ZNF385D: variants seen among roughly 807,000 people sequenced by gnomAD.
The protein encoded by ZNF385D is zinc finger protein 385D.
Under a neutral mutation model 35.8 loss-of-function variants are expected in ZNF385D, and 15 were observed. The ratio of observed to expected loss-of-function variants is 0.42; its 90% CI spans 0.28 to 0.64. ZNF385D has a LOEUF of 0.64. Ranked by LOEUF, ZNF385D falls within the 30% of genes least tolerant of loss-of-function variation. ZNF385D has a pLI of 0.23. For synonymous variants in ZNF385D, 212 were observed against 186.8 expected (o/e 1.13, Z -1.10); for missense variants, 474 against 494.6 (o/e 0.96, Z 0.39).
At chr3:21,818,495 TATC>T (rs1052394562) in intron 3 of ZNF385D, among the ~76,000 whole-genome samples, 2 of 152,202 alleles carry the variant, frequency 1.3e-5, no homozygotes, top group African/African-American at 2.4e-5. Flanking sequence ...ATTTGGGTGT[TATC>T]ATAATAGTGT....
At chr3:21,500,194 G>C (rs1219602992) in intron 4 of ZNF385D, among the ~76,000 whole-genome samples, 2 of 152,088 alleles carry the variant, frequency 1.3e-5, no homozygotes, top group Non-Finnish European at 2.9e-5. Context: ...ATGTAATAAA[G>C]TTCAATTAGT....
intron 2 of ZNF385D, among the ~76,000 whole-genome samples, chr3:22,291,532 AC>A (rs1385416008): frequency 1.3e-5 from 2 of 151,992 alleles, no homozygotes; most frequent in African/African-American, 4.8e-5. Flanking sequence ...ATCTTACTGA[AC>A]TTTATTTCTA....
chr3:22,355,826 C>T (rs1368704272), intron 2 of ZNF385D, among the ~76,000 whole-genome samples: 1 of 151,872 alleles, frequency 6.6e-6, no homozygotes, highest in East Asian at 1.9e-4. Flanking sequence ...CAGTATACAA[C>T]CATATCACAA....
At chr3:21,882,964 T>C (rs988665967) in intron 3 of ZNF385D, among the ~76,000 whole-genome samples, 13 of 152,112 alleles carry the variant, frequency 8.5e-5, no homozygotes, top group East Asian at 3.9e-4. Flanking sequence ...CTCTGGAGAA[T>C]AGTATATAAT....
chr3:21,538,941 T>C (rs760044065), intron 3 of ZNF385D, among the ~76,000 whole-genome samples: 22 of 152,076 alleles, frequency 1.4e-4, no homozygotes, highest in Non-Finnish European at 8.8e-5. Flanking sequence ...GCTCATACAC[T>C]GTGGCTAAAG....
rs571786569 is a variant in ZNF385D at position 22,360,044 on chromosome 3, C to T, written c.106+12406G>A. On this transcript the variant is annotated intron_variant, in intron 2 of 5. Coordinates refer to the ZNF385D transcript ENST00000494108. ...AAGAAACAGCTTTGGCTGGGATTAC[C>T]GTGATTATTAAAGCTGTAGGCACTT... Among the ~76,000 whole-genome samples, 11 of 151,896 alleles carry T rather than the reference C, an allele frequency of 7.2e-5. No individual in the cohort carries two copies. In the South Asian group the frequency reaches 1.0e-3, roughly 14 times the overall value.
intron 2 of ZNF385D, among the ~76,000 whole-genome samples, chr3:22,354,002 C>T (rs998873020): frequency 3.3e-5 from 5 of 151,964 alleles, no homozygotes; most frequent in Admixed American, 6.6e-5. Flanking sequence ...CATATGCACC[C>T]TCCATTCCCT....
intron 3 of ZNF385D, among the ~76,000 whole-genome samples, chr3:21,528,208 AT>A (rs1305500450): frequency 6.6e-6 from 1 of 152,114 alleles, no homozygotes; most frequent in South Asian, 2.1e-4. Flanking sequence ...AAATAGAAGT[AT>A]TTTTCTGACA....
chr3:21,794,589 C>T (rs2072069002), intron 3 of ZNF385D, among the ~76,000 whole-genome samples: 1 of 152,080 alleles, frequency 6.6e-6, no homozygotes, highest in Non-Finnish European at 1.5e-5. Context: ...TAGACAATGC[C>T]TTCTTGTGGT....
At chr3:21,787,941 C>CAAAAAAAAAA (rs2071762948) in intron 3 of ZNF385D, among the ~76,000 whole-genome samples, 1 of 29,726 alleles carries the variant, frequency 3.4e-5, no homozygotes, top group Non-Finnish European at 5.9e-5. Flanking sequence ...GACTTCGTCT[C>CAAAAAAAAAA]AACAAAAAAA....
chr3:22,112,007 TCAGA>T (rs1360886512), intron 3 of ZNF385D, among the ~76,000 whole-genome samples: 1 of 152,114 alleles, frequency 6.6e-6, no homozygotes, highest in Non-Finnish European at 1.5e-5. Flanking sequence ...CATAAATTAA[TCAGA>T]CATTTTACCC....
intron 3 of ZNF385D, among the ~76,000 whole-genome samples, chr3:22,032,100 G>T (rs1428008320): frequency 1.3e-5 from 2 of 152,160 alleles, no homozygotes; most frequent in East Asian, 1.9e-4. Context: ...CACCCCAGCT[G>T]GGACTTCATT....
intron 4 of ZNF385D, among the ~76,000 whole-genome samples, chr3:21,466,123 A>G (rs163470): frequency 0.79 from 120,839 of 152,102 alleles, 48,534 homozygotes; most frequent in East Asian, 0.99. Context: ...ATGTCTTCAC[A>G]TCTTCCATTA....
chr3:21,630,125 T>G (rs895370945), intron 2 of ZNF385D, among the ~76,000 whole-genome samples: 5 of 152,034 alleles, frequency 3.3e-5, no homozygotes, highest in Non-Finnish European at 7.4e-5. Flanking sequence ...CCTCAAAATT[T>G]ATTTATATAT....
chr3:22,035,890 C>G (rs1272563922), intron 3 of ZNF385D, among the ~76,000 whole-genome samples: 3 of 151,436 alleles, frequency 2.0e-5, no homozygotes, highest in African/African-American at 7.3e-5. Flanking sequence ...TTGCCAGTGG[C>G]TTGCTGATAA....
intron 3 of ZNF385D, among the ~76,000 whole-genome samples, chr3:22,126,330 T>A (rs1372283543): frequency 1.2e-5 from 1 of 86,532 alleles, no homozygotes; most frequent in South Asian, 4.3e-4. Flanking sequence ...TTTTTTTTTT[T>A]CACTTTTTTG....
intron 2 of ZNF385D, among the ~76,000 whole-genome samples, chr3:22,242,078 G>A (rs1412331014): frequency 1.3e-5 from 2 of 150,300 alleles, no homozygotes; most frequent in Admixed American, 6.6e-5. Context: ...ACTGTTGTGG[G>A]GTGGGGGAAG....
intron 3 of ZNF385D, among the ~76,000 whole-genome samples, chr3:21,810,992 G>GTATATATATATA (rs779407118): frequency 4.4e-5 from 5 of 114,412 alleles, no homozygotes; most frequent in African/African-American, 1.1e-4. Flanking sequence ...GTGTGTGTGT[G>GTATATATATATA]TGTGTGTATA....
At chr3:22,247,979 G>C (rs146887716) in intron 2 of ZNF385D, among the ~76,000 whole-genome samples, 63 of 152,186 alleles carry the variant, frequency 4.1e-4, no homozygotes, top group African/African-American at 1.5e-3. Context: ...CAAGAATTTT[G>C]CTGTGAACTT....
Sources: allele counts gnomAD v4.1 joint callset (sites outside exome capture counted in the v4.1 genomes callset), GRCh38; gene constraint gnomAD v4.1.1; transcripts MANE v1.5; gene names NCBI Gene and HGNC (gene_info 2026-07-23, HGNC 2026-07-21).